GNAO1: variants seen among roughly 807,000 people sequenced by gnomAD.
GNAO1 encodes the protein guanine nucleotide-binding protein G(o) subunit alpha.
For missense variants in GNAO1, 166 were observed against 478.7 expected, an observed-to-expected ratio of 0.35 and a Z score of 6.10; for synonymous variants, 164 against 180.7, an observed-to-expected ratio of 0.91 and a Z score of 0.74.
chr16:56,333,553 T>A (rs1235928689), intron 4 of GNAO1, among the ~76,000 whole-genome samples: 1 of 152,260 alleles, frequency 6.6e-6, no homozygotes, highest in Non-Finnish European at 1.5e-5. Context: ...CTTACCTCCC[T>A]GAGCCTTGGA....
intron 2 of GNAO1, among the ~76,000 whole-genome samples, chr16:56,214,458 A>G (rs1361238167): frequency 6.6e-6 from 1 of 152,208 alleles, no homozygotes; most frequent in Admixed American, 6.5e-5. Flanking sequence ...AGTGGTATAC[A>G]AATACACACT....
chr16:56,293,605 G>T (rs1402506016), intron 3 of GNAO1, among the ~76,000 whole-genome samples: 1 of 152,300 alleles, frequency 6.6e-6, no homozygotes, highest in South Asian at 2.1e-4. Flanking sequence ...AGATTAAATG[G>T]TACGTGGATA....
chr16:56,200,622 G>A (rs372032707), intron 2 of GNAO1, among the ~76,000 whole-genome samples: 32 of 152,166 alleles, frequency 2.1e-4, no homozygotes, highest in African/African-American at 1.9e-4. Context: ...TGTTCTTTTC[G>A]TTGTAACTCC....
chr16:56,277,842 C>CACACAT (rs1555504339), intron 3 of GNAO1, among the ~76,000 whole-genome samples: 1 of 132,616 alleles, frequency 7.5e-6, no homozygotes, highest in Non-Finnish European at 1.6e-5. Flanking sequence ...CACACACACA[C>CACACAT]GGTGTGTGAG....
chr16:56,309,142 G>C (rs1335654026), intron 3 of GNAO1, among the ~76,000 whole-genome samples: 10 of 152,098 alleles, frequency 6.6e-5, no homozygotes, highest in African/African-American at 2.4e-4. Context: ...GCTGCTGTGG[G>C]GACAGACAGG....
chr16:56,337,191 G>A (rs1168385103), intron 6 of GNAO1, among the ~76,000 whole-genome samples: 16 of 152,246 alleles, frequency 1.1e-4, no homozygotes, highest in Non-Finnish European at 2.1e-4. Flanking sequence ...AAAAAAACCA[G>A]GAGGCAGCCA....
chr16:56,279,600 C>T (rs761300944), intron 3 of GNAO1, among the ~76,000 whole-genome samples: 9 of 152,210 alleles, frequency 5.9e-5, no homozygotes, highest in Non-Finnish European at 1.2e-4. Flanking sequence ...GTCCATGAAG[C>T]CTCCTTCCCT....
chr16:56,277,480 G>A (rs2037070619), intron 3 of GNAO1, among the ~76,000 whole-genome samples: 1 of 152,152 alleles, frequency 6.6e-6, no homozygotes, highest in African/African-American at 2.4e-5. Flanking sequence ...TATTCAGATC[G>A]TTAGAACTAA....
intron 3 of GNAO1, among the ~76,000 whole-genome samples, chr16:56,288,591 T>A (rs187020440): frequency 5.2e-4 from 79 of 152,312 alleles, no homozygotes; most frequent in Non-Finnish European, 2.9e-5. Flanking sequence ...AAATGCAGCC[T>A]TCACAGCCCT....
chr16:56,258,378 A>G (rs2036872125), intron 2 of GNAO1, among the ~76,000 whole-genome samples: 1 of 152,232 alleles, frequency 6.6e-6, no homozygotes, highest in Non-Finnish European at 1.5e-5. Context: ...TCATGAGAAA[A>G]TATATAAAAA....
chr16:56,320,241 G>A (rs1211342715), intron 3 of GNAO1, among the ~76,000 whole-genome samples: 2 of 152,126 alleles, frequency 1.3e-5, no homozygotes, highest in East Asian at 3.9e-4. Context: ...CAATCATCAT[G>A]AGGGTGGGCG....
intron 6 of GNAO1, chr16:56,348,202 G>A (rs528734131): frequency 3.1e-5 from 31 of 984,536 alleles, no homozygotes; most frequent in Non-Finnish European, 3.5e-5. Context: ...CTTTCCTAGC[G>A]TGAGTGTGAT....
intron 3 of GNAO1, among the ~76,000 whole-genome samples, chr16:56,287,522 G>A (rs144124070): frequency 6.6e-6 from 1 of 152,324 alleles, no homozygotes; most frequent in East Asian, 1.9e-4. Flanking sequence ...CAAGGTGCCT[G>A]GCACCAAGTA....
At chr16:56,273,023 T>G (rs1243382459) in intron 2 of GNAO1, among the ~76,000 whole-genome samples, 1 of 152,248 alleles carries the variant, frequency 6.6e-6, no homozygotes, top group Non-Finnish European at 1.5e-5. Flanking sequence ...TTTTCTGTTT[T>G]TTAGTATTTA....
intron 3 of GNAO1, among the ~76,000 whole-genome samples, chr16:56,319,635 C>G (rs2037552299): frequency 6.6e-6 from 1 of 152,160 alleles, no homozygotes; most frequent in African/African-American, 2.4e-5. Context: ...CCGCCAGCAG[C>G]ACATGTCCTC....
In GNAO1 at chr16:56,273,898, G is replaced by A. The variant is rs138864079; in HGVS notation, c.162-2033G>A. Among the ~76,000 whole-genome samples the A allele has an allele frequency of 2.8e-4, 43 of 152,260 alleles. No individual in the cohort carries two copies. In the East Asian group the frequency reaches 7.9e-3, roughly 28 times the overall value. ...GCTCTGGGAAGCGTTCAACTGATAAGCTCCCTGATGCTTGTTCTTTCTTTA... is the reference window on the plus strand; with the variant it reads ...GCTCTGGGAAGCGTTCAACTGATAAACTCCCTGATGCTTGTTCTTTCTTTA... On this transcript the variant is annotated intron_variant, in intron 2 of 8. Coordinates refer to ENST00000262493, the MANE Select transcript of GNAO1 (RefSeq NM_020988.3).
chr16:56,322,060 C>T (rs2037577634), intron 3 of GNAO1, among the ~76,000 whole-genome samples: 1 of 152,180 alleles, frequency 6.6e-6, no homozygotes, highest in African/African-American at 2.4e-5. Context: ...TTGCTGCGTC[C>T]TCACGTGGTG....
chr16:56,281,369 C>T (rs1451647322), intron 3 of GNAO1, among the ~76,000 whole-genome samples: 5 of 152,270 alleles, frequency 3.3e-5, no homozygotes, highest in Non-Finnish European at 7.4e-5. Context: ...TCCCACCCCA[C>T]TCCCTTGAGC....
chr16:56,278,967 C>T (rs1353283826), intron 3 of GNAO1, among the ~76,000 whole-genome samples: 1 of 152,130 alleles, frequency 6.6e-6, no homozygotes, highest in Non-Finnish European at 1.5e-5. Flanking sequence ...GGGGATCTGC[C>T]ATTTGGATGC....
Sources: allele counts gnomAD v4.1 joint callset (sites outside exome capture counted in the v4.1 genomes callset), GRCh38; gene constraint gnomAD v4.1.1; transcripts MANE v1.5; gene names NCBI Gene and HGNC (gene_info 2026-07-23, HGNC 2026-07-21).